Variants in SMARCA5 observed in about 807,000 individuals in gnomAD.
SMARCA5 encodes the protein SWI/SNF-related matrix-associated actin-dependent regulator of chromatin subfamily A member 5.
Under a neutral mutation model 140.4 loss-of-function variants are expected in SMARCA5, and 18 were observed. The observed-to-expected ratio is 0.13, with a 90% confidence interval of 0.09 to 0.19. The LOEUF (loss-of-function observed/expected upper bound fraction) is 0.19, where lower values mean the gene tolerates loss of function less well. SMARCA5 is among the 10% of genes least tolerant of loss of function. The probability of loss-of-function intolerance (pLI) is 1.00; values close to 1 mark genes in which losing one functional copy is unlikely to be tolerated. For missense variants in SMARCA5, 606 were observed against 1,276.8 expected (o/e 0.47, Z 8.01); for synonymous variants, 449 against 419.6 (o/e 1.07, Z -0.86).
At chr4:143,530,816 A>G (rs1578796682) in intron 9 of SMARCA5, among the ~76,000 whole-genome samples, 1 of 151,950 alleles carries the variant, frequency 6.6e-6, no homozygotes, top group Non-Finnish European at 1.5e-5. Flanking sequence ...AATATAGACA[A>G]GTTTTTGTTG....
chr4:143,541,545 A>T (rs1465749051), intron 14 of SMARCA5, among the ~76,000 whole-genome samples: 1 of 152,156 alleles, frequency 6.6e-6, no homozygotes, highest in African/African-American at 2.4e-5. Flanking sequence ...TGTGCTATAT[A>T]CTTAACATTT....
intron 9 of SMARCA5, among the ~76,000 whole-genome samples, chr4:143,533,453 T>C (rs949817880): frequency 6.6e-6 from 1 of 152,112 alleles, no homozygotes; most frequent in Non-Finnish European, 1.5e-5. Flanking sequence ...TACATTAAGT[T>C]TAAAGACTAA....
intron 3 of SMARCA5, among the ~76,000 whole-genome samples, chr4:143,521,827 T>C (rs1024895436): frequency 3.2e-5 from 4 of 124,286 alleles, no homozygotes; most frequent in African/African-American, 1.3e-4. Flanking sequence ...GACGCCAAGG[T>C]GGGAGGATTG....
intron 22 of SMARCA5, among the ~76,000 whole-genome samples, chr4:143,548,842 T>G (rs974421013): frequency 1.3e-5 from 2 of 152,102 alleles, no homozygotes; most frequent in Admixed American, 6.6e-5. Flanking sequence ...ATAGTAAGAT[T>G]TCTCTGTATA....
Position 143,555,416 on chromosome 4 carries a change from A to G in SMARCA5, c.*2232A>G. On this transcript the variant is annotated 3_prime_UTR_variant, in exon 24 of 24. Transcript: ENST00000283131. ...AAAGCCACCACGATCACAGAACTTG[A>G]TGACTGTATTTGTGACTAATTGTAT... The G allele has an allele frequency of 1.6e-6, 1 of 642,044 alleles. No homozygotes were observed. Among genetic ancestry groups the G allele is most frequent in the South Asian group, 1.5e-5 (1 of 66,530 alleles). The allele number at this position is 642,044 out of a possible 1,614,324, so 39.8% of individuals were successfully genotyped here.
chr4:143,546,173 A>G, intron 19 of SMARCA5, 126 bp downstream of exon 19: 2 of 622,778 alleles, frequency 3.2e-6, no homozygotes, highest in South Asian at 6.2e-5. Flanking sequence ...GAGACAATAA[A>G]GTATGGGCAT....
chr4:143,546,054 C>T lies in SMARCA5; in HGVS notation c.2520+7C>T. On this transcript the variant is annotated splice_region_variant and intron_variant, in intron 19 of 23. Transcript: ENST00000283131. ...AGAGAAGCTTCTAACACAGGTATAG[C>T]CTTTAATCAGTACAAACTTTAGTAA... is the stretch of plus-strand genomic sequence containing the variant. 6.3e-7 allele frequency: 1 copy of T among 1,583,872 alleles called. No homozygotes were observed. The highest frequency in any genetic ancestry group is 8.6e-7 in the Non-Finnish European group (1 of 1,169,450).
chr4:143,551,740 C>G (rs955734365), intron 23 of SMARCA5, among the ~76,000 whole-genome samples: 1 of 151,908 alleles, frequency 6.6e-6, no homozygotes, highest in African/African-American at 2.4e-5. Flanking sequence ...TCTCTGGGTT[C>G]TCTGTTCTTT....
rs1410399932 is a variant in SMARCA5, at chr4:143,513,727, A to C, written c.-198A>C. 1.7e-6 allele frequency: 1 copy of C among 599,464 alleles called. No individual in the cohort carries two copies. The highest frequency in any genetic ancestry group is 3.3e-5 in the Admixed American group (1 of 30,242). 37.1% of individuals were successfully genotyped at this position (599,464 alleles called of 1,614,324 possible). ...GCCGGTGGAACCTAGAGCCCCGCGG[A>C]AGAGCAGAACGTTTGGGAGTGTGCA... On this transcript the variant is annotated 5_prime_UTR_variant, in exon 1 of 24. Coordinates refer to ENST00000283131, the MANE Select transcript of SMARCA5 (RefSeq NM_003601.4).
At chr4:143,514,624 A>T (rs1736785961) in intron 1 of SMARCA5, 1 of 152,782 alleles carries the variant, frequency 6.5e-6, no homozygotes, top group Non-Finnish European at 1.5e-5. Flanking sequence ...GGCAGAAACA[A>T]TGGCGAGAGC....
intron 9 of SMARCA5, among the ~76,000 whole-genome samples, chr4:143,532,302 T>C (rs1399687430): frequency 6.6e-6 from 1 of 152,120 alleles, no homozygotes; most frequent in African/African-American, 2.4e-5. Flanking sequence ...ATCTTGGGGG[T>C]AGAAAAGGAG....
intron 1 of SMARCA5, chr4:143,514,597 G>A (rs1736784467): frequency 6.5e-6 from 1 of 155,032 alleles, no homozygotes; most frequent in Non-Finnish European, 1.4e-5. Flanking sequence ...GTCCTTGCAG[G>A]GGCGGTATCT....
In SMARCA5 at chr4:143,553,945, A is replaced by G. The variant is rs1363633673; in HGVS notation, c.*761A>G. ...TGTCATATGACCTTCTGAAGCAGCC[A>G]CAACTTAGATAATGTCAGAACTAAG... On this transcript the variant is annotated 3_prime_UTR_variant, in exon 24 of 24. Coordinates refer to ENST00000283131, the MANE Select transcript of SMARCA5 (RefSeq NM_003601.4). 2 of 150,946 alleles carry G rather than the reference A, an allele frequency of 1.3e-5. No homozygotes were observed. The highest frequency in any genetic ancestry group is 6.6e-5 in the Admixed American group (1 of 15,072). The allele number at this position is 150,946 out of a possible 1,614,324, so 9.4% of individuals were successfully genotyped here.
Position 143,536,418 on chromosome 4 carries a change from T to A in SMARCA5, c.1269-34T>A, listed in dbSNP as rs748323493. 4 of 1,444,984 alleles carry A rather than the reference T, an allele frequency of 2.8e-6. No homozygotes were observed. The South Asian group carries it at 4.6e-5, about 17-fold the overall frequency. The allele number at this position is 1,444,984 out of a possible 1,614,324, so 89.5% of individuals were successfully genotyped here. A position where few individuals can be genotyped will look rare whatever the true frequency, so the allele number is the denominator to read the frequency against. ...GTGGCAGGGATTGATCAAGGAACAT[T>A]TGAGCTCTAAAAATGTTTTTCTTCT... On this transcript the variant is annotated intron_variant, in intron 10 of 23. Transcript: ENST00000283131.
chr4:143,535,114 C>T (rs1737276648), intron 10 of SMARCA5, 150 bp downstream of exon 10: 1 of 520,838 alleles, frequency 1.9e-6, no homozygotes, highest in Non-Finnish European at 3.3e-6. Context: ...TAGTATAGGA[C>T]TTGCTCATTA....
At chr4:143,550,511 G>A (rs889250068) in intron 23 of SMARCA5, among the ~76,000 whole-genome samples, 1 of 151,888 alleles carries the variant, frequency 6.6e-6, no homozygotes, top group Non-Finnish European at 1.5e-5. Context: ...TAGTCACTGT[G>A]TTGGGCTATC....
At chr4:143,520,921 A>G (rs1465353694) in intron 2 of SMARCA5, among the ~76,000 whole-genome samples, 1 of 152,212 alleles carries the variant, frequency 6.6e-6, no homozygotes, top group Non-Finnish European at 1.5e-5. Context: ...AAAATTTGTC[A>G]CAGCCTAACT....
Position 143,521,414 on chromosome 4 carries a change from ATTT to A in SMARCA5, c.253-6_253-4del. Reference sequence around the variant, plus strand: ...GATACTCTGATAAAATGTATCTTAAATTTTTTTTTTTCAGCAAACTGACCGGGC... The same window carrying A: ...GATACTCTGATAAAATGTATCTTAAATTTTTTTTCAGCAAACTGACCGGGC... On this transcript the variant is annotated splice_polypyrimidine_tract_variant and intron_variant, in intron 2 of 23. Transcript: ENST00000283131. The A allele has an allele frequency of 7.7e-7, 1 of 1,293,448 alleles. No individual in the cohort carries two copies. Among genetic ancestry groups the A allele is most frequent in the Non-Finnish European group, 1.1e-6 (1 of 942,078 alleles). The allele number at this position is 1,293,448 out of a possible 1,614,324, so 80.1% of individuals were successfully genotyped here. A position where few individuals can be genotyped will look rare whatever the true frequency, so the allele number is the denominator to read the frequency against.
rs772337987 is a variant in SMARCA5 at position 143,553,169 on chromosome 4, G to T, written c.3144G>T (p.Lys1048Asn). Residue 1048 changes from lysine (K) to asparagine (N), a missense_variant, in exon 24 of 24, where the codon AAG (lysine) becomes AAT (asparagine). Coordinates refer to ENST00000283131, the MANE Select transcript of SMARCA5 (RefSeq NM_003601.4). ...CACCTGATGGTCGAGGAAGAAAAAA[G>T]AAGCTGAAACTATGAATATGTTTTT... is the stretch of plus-strand genomic sequence containing the variant. ...DGAPDGRGRK[K>N]KLKL 8 of 1,611,948 alleles carry T rather than the reference G, an allele frequency of 5.0e-6. No individual in the cohort carries two copies. Among genetic ancestry groups the T allele is most frequent in the East Asian group, 2.2e-5 (1 of 44,772 alleles).
Sources: allele counts gnomAD v4.1 joint callset (sites outside exome capture counted in the v4.1 genomes callset), GRCh38; gene constraint gnomAD v4.1.1; transcripts MANE v1.5; gene names NCBI Gene and HGNC (gene_info 2026-07-23, HGNC 2026-07-21).